The following HTR4 variants were observed in gnomAD, a reference collection of about 807,000 sequenced individuals.
HTR4 encodes 5-hydroxytryptamine receptor 4, also known as 5-hydroxytryptamine (serotonin) receptor 4, G protein-coupled.
HTR4 carries 16 observed loss-of-function variants against 36.8 expected under a neutral mutation model. The ratio of observed to expected loss-of-function variants is 0.43; its 90% CI spans 0.29 to 0.66. The LOEUF (loss-of-function observed/expected upper bound fraction) is 0.66. Among genes scored for constraint, HTR4 ranks in the 30% least tolerant of loss-of-function variants. The probability of loss-of-function intolerance (pLI) is 0.13; values close to 1 mark genes in which losing one functional copy is unlikely to be tolerated. For synonymous variants in HTR4, 189 were observed against 185.1 expected (o/e 1.02, Z -0.17); for missense variants, 438 against 490.9 (o/e 0.89, Z 1.02).
At chr5:148,477,419 A>G (rs1053416729), downstream of HTR4, among the ~76,000 whole-genome samples, 6 of 152,182 alleles carry the variant, frequency 3.9e-5, no homozygotes, top group Non-Finnish European at 8.8e-5. Flanking sequence ...AAAGGGGAAA[A>G]GTGCACAAGA....
intron 5 of HTR4, among the ~76,000 whole-genome samples, chr5:148,519,370 A>G (rs1249251198): frequency 2.0e-5 from 3 of 152,160 alleles, no homozygotes; most frequent in African/African-American, 7.2e-5. Context: ...TGGTGTGGTT[A>G]CCAATTTGTA....
chr5:148,569,077 G>GTT (rs571746258), intron 2 of HTR4, among the ~76,000 whole-genome samples: 2 of 146,022 alleles, frequency 1.4e-5, no homozygotes, highest in African/African-American at 5.0e-5. Flanking sequence ...AGACAGAAGA[G>GTT]TTTTTTTTTT....
At chr5:148,578,720 T>C (rs1761023501) in intron 2 of HTR4, among the ~76,000 whole-genome samples, 1 of 152,082 alleles carries the variant, frequency 6.6e-6, no homozygotes, top group Non-Finnish European at 1.5e-5. Flanking sequence ...TCTATAAAAC[T>C]GATAATCACA....
At chr5:148,546,873 G>A (rs549318643) in intron 4 of HTR4, among the ~76,000 whole-genome samples, 28 of 152,256 alleles carry the variant, frequency 1.8e-4, no homozygotes, top group African/African-American at 5.3e-4. Context: ...AGTGTATCCT[G>A]ACTGTCTTTA....
intron 5 of HTR4, among the ~76,000 whole-genome samples, chr5:148,522,911 T>A (rs150234645): frequency 6.6e-6 from 1 of 152,218 alleles, no homozygotes; most frequent in Non-Finnish European, 1.5e-5. Context: ...CTATACCAAC[T>A]TAGCAAGATT....
chr5:148,636,382 A>G (rs1561662642), intron 2 of HTR4, among the ~76,000 whole-genome samples: 1 of 152,170 alleles, frequency 6.6e-6, no homozygotes, highest in East Asian at 1.9e-4. Context: ...TTGAGGCCTT[A>G]TTGAATACAC....
In HTR4 at chr5:148,548,663, CT is replaced by C. The variant is rs780767778; in HGVS notation, c.353+4del. ...GCTCCGCTATGCACATTGTTCTGTC[CT>C]TACCTATCCAGAGAAATGCAGCACA... On this transcript the variant is annotated splice_donor_region_variant and intron_variant, in intron 4 of 6. Transcript: ENST00000377888. The C allele has an allele frequency of 6.3e-7, 1 of 1,594,386 alleles. No homozygotes were observed. Among genetic ancestry groups the C allele is most frequent in the Non-Finnish European group, 8.6e-7 (1 of 1,169,418 alleles).
chr5:148,506,465 A>G (rs973264779), intron 6 of HTR4, among the ~76,000 whole-genome samples: 1 of 152,208 alleles, frequency 6.6e-6, no homozygotes, highest in African/African-American at 2.4e-5. Flanking sequence ...AGGAATGGGC[A>G]AGGACTACAT....
intron 2 of HTR4, among the ~76,000 whole-genome samples, chr5:148,600,498 A>AGAAAG (rs1761950493): frequency 6.6e-6 from 1 of 151,630 alleles, no homozygotes; most frequent in South Asian, 2.1e-4. Context: ...GTTGGAGCTA[A>AGAAAG]GAAAGGAATT....
chr5:148,521,076 C>T, intron 5 of HTR4: 1 of 1,288,536 alleles, frequency 7.8e-7, no homozygotes, highest in Non-Finnish European at 1.0e-6. Context: ...CACTCCACTT[C>T]CCACATCTCG....
intron 6 of HTR4, among the ~76,000 whole-genome samples, chr5:148,505,163 G>C (rs1464959165): frequency 6.6e-6 from 1 of 152,144 alleles, no homozygotes; most frequent in Non-Finnish European, 1.5e-5. Flanking sequence ...ACATCAAAAA[G>C]CTTATCCACC....
At chr5:148,618,861 T>C (rs775930213) in intron 2 of HTR4, among the ~76,000 whole-genome samples, 1 of 152,228 alleles carries the variant, frequency 6.6e-6, no homozygotes, top group Non-Finnish European at 1.5e-5. Context: ...TGCCTGTTAT[T>C]ATGACCTAGG....
chr5:148,537,756 C>A (rs187484973), intron 4 of HTR4, among the ~76,000 whole-genome samples: 119 of 152,160 alleles, frequency 7.8e-4, no homozygotes, highest in Non-Finnish European at 1.3e-3. Context: ...GCCTACCAAC[C>A]AAGAAAAGCC....
chr5:148,644,422 GTTTTTTTTTTTTT>G (rs1175588280), intron 1 of HTR4, among the ~76,000 whole-genome samples: 4 of 40,582 alleles, frequency 9.9e-5, no homozygotes, highest in East Asian at 7.8e-4. Context: ...AAGCTCACAA[GTTTTTTTTTTTTT>G]TTTTTTTTTT....
intron 6 of HTR4, among the ~76,000 whole-genome samples, chr5:148,501,754 C>A (rs1396740873): frequency 1.3e-5 from 2 of 152,106 alleles, no homozygotes; most frequent in African/African-American, 4.8e-5. Context: ...CATCACAGAC[C>A]AACTTCCTGC....
At chr5:148,627,501 T>C (rs1454684521) in intron 2 of HTR4, among the ~76,000 whole-genome samples, 1 of 152,188 alleles carries the variant, frequency 6.6e-6, no homozygotes, top group Non-Finnish European at 1.5e-5. Flanking sequence ...ACACTGTTGA[T>C]AGAGAAAGTT....
chr5:148,457,757 A>G (rs1755136023), intron 5 of HTR4, among the ~76,000 whole-genome samples: 1 of 143,962 alleles, frequency 6.9e-6, no homozygotes, highest in South Asian at 2.1e-4. Flanking sequence ...ATTAAAATAT[A>G]TTTTGGTATA....
intron 2 of HTR4, among the ~76,000 whole-genome samples, chr5:148,614,923 T>G (rs987759601): frequency 4.7e-5 from 7 of 150,062 alleles, no homozygotes; most frequent in Non-Finnish European, 1.0e-4. Context: ...AAAAAACACA[T>G]GAAAAAATGC....
chr5:148,620,220 T>C (rs1752865697), intron 2 of HTR4, among the ~76,000 whole-genome samples: 1 of 152,254 alleles, frequency 6.6e-6, no homozygotes, highest in Non-Finnish European at 1.5e-5. Context: ...CCATCTGTGC[T>C]GACAAAATGG....
Sources: allele counts gnomAD v4.1 joint callset (sites outside exome capture counted in the v4.1 genomes callset), GRCh38; gene constraint gnomAD v4.1.1; transcripts MANE v1.5; gene names NCBI Gene and HGNC (gene_info 2026-07-23, HGNC 2026-07-21).